Variants in MAP3K21 observed in about 807,000 individuals in gnomAD.
The protein encoded by MAP3K21 is mitogen-activated protein kinase kinase kinase 21.
A neutral mutation model predicts 86.1 loss-of-function variants in MAP3K21; 63 were observed. That is an observed-to-expected ratio of 0.73 (90% CI 0.60 to 0.90). MAP3K21 has a LOEUF of 0.90. MAP3K21 is among the 40% of genes least tolerant of loss of function. The probability of loss-of-function intolerance (pLI) is 0.00; values close to 1 mark genes in which losing one functional copy is unlikely to be tolerated. For synonymous variants in MAP3K21, 558 were observed against 564.8 expected, an observed-to-expected ratio of 0.99 and a Z score of 0.17; for missense variants, 1,220 against 1,367.7, an observed-to-expected ratio of 0.89 and a Z score of 1.70.
At chr1:233,368,450 T>C (rs1663620635) in intron 5 of MAP3K21, among the ~76,000 whole-genome samples, 1 of 151,974 alleles carries the variant, frequency 6.6e-6, no homozygotes, top group African/African-American at 2.4e-5. Context: ...GCCCAGGAGT[T>C]CAAGACCAGC....
chr1:233,340,332 G>A lies in MAP3K21; in HGVS notation c.806-6110G>A, dbSNP rs1311089466. The stretch of plus-strand genomic sequence containing the variant: ...GTGGGAGGTCCAGTAGGAAGTGTGA[G>A]TTTTATAGAGGGCGGAAGAGGAAGG... On this transcript the variant is annotated intron_variant, in intron 1 of 9. Transcript: ENST00000366624. Among the ~76,000 whole-genome samples, 6 of 152,298 alleles carry A rather than the reference G, an allele frequency of 3.9e-5. 1 individual carries two copies. In the East Asian group the frequency reaches 5.8e-4, roughly 15 times the overall value.
At chr1:233,338,295 A>G (rs1026280417) in intron 1 of MAP3K21, among the ~76,000 whole-genome samples, 24 of 152,192 alleles carry the variant, frequency 1.6e-4, no homozygotes, top group Non-Finnish European at 2.9e-4. Context: ...TAGCTCTTTC[A>G]TTTATACAAC....
chr1:233,373,963 A>G (rs566435828), intron 6 of MAP3K21: 3 of 152,190 alleles, frequency 2.0e-5, no homozygotes, highest in Non-Finnish European at 2.9e-5. Flanking sequence ...GAGAGTGTAG[A>G]TAGCTCTGGG....
chr1:233,343,150 A>C (rs1034587823), intron 1 of MAP3K21, among the ~76,000 whole-genome samples: 9 of 152,172 alleles, frequency 5.9e-5, no homozygotes, highest in Non-Finnish European at 1.3e-4. Context: ...TGATATTATA[A>C]ATGTTTGACA....
chr1:233,328,194 G>T lies in MAP3K21; in HGVS notation c.166G>T (p.Glu56Ter), dbSNP rs1662732064. The part of the protein sequence containing the change: ...LYDYEARGED[E>*]LSLRRGQLVE... Reference sequence around the variant, plus strand: ...TGACTACGAGGCTCGCGGCGAGGACGAGCTGAGCCTGCGGCGCGGCCAGCT... The same window carrying T: ...TGACTACGAGGCTCGCGGCGAGGACTAGCTGAGCCTGCGGCGCGGCCAGCT... Residue 56 changes from glutamate to a stop codon, truncating the protein, a stop_gained, in exon 1 of 10, where the codon GAG becomes TAG. Coordinates refer to ENST00000366624, the MANE Select transcript of MAP3K21 (RefSeq NM_032435.3). LOFTEE classifies it high-confidence loss of function. The surrounding 1 kb of genome is among the most constrained non-coding windows in gnomAD (Gnocchi z 8.7). The T allele has an allele frequency of 1.3e-6, 2 of 1,483,468 alleles. No individual in the cohort carries two copies. Among genetic ancestry groups the T allele is most frequent in the Non-Finnish European group, 1.8e-6 (2 of 1,124,882 alleles). 91.9% of individuals were successfully genotyped at this position (1,483,468 alleles called of 1,614,324 possible).
At chr1:233,370,628 G>C (rs1352146569) in intron 5 of MAP3K21, among the ~76,000 whole-genome samples, 1 of 152,130 alleles carries the variant, frequency 6.6e-6, no homozygotes, top group African/African-American at 2.4e-5. Flanking sequence ...GTAAGTTATA[G>C]GTCTCTTGCA....
At chr1:233,347,048 G>A (rs12566188) in intron 2 of MAP3K21, among the ~76,000 whole-genome samples, 34,583 of 151,936 alleles carry the variant, frequency 0.23, 5,139 homozygotes, top group East Asian at 0.41. Context: ...GCTAATTTGT[G>A]TGTGTGTGTG....
chr1:233,382,908 T>A lies in MAP3K21; in HGVS notation c.*197T>A. The A allele has an allele frequency of 1.9e-6, 1 of 533,130 alleles. No homozygotes were observed. Among genetic ancestry groups the A allele is most frequent in the African/African-American group, 1.9e-5 (1 of 52,894 alleles). The allele number at this position is 533,130 out of a possible 1,614,324, so 33.0% of individuals were successfully genotyped here. A position where few individuals can be genotyped will look rare whatever the true frequency, so the allele number is the denominator to read the frequency against. On this transcript the variant is annotated 3_prime_UTR_variant, in exon 10 of 10. Transcript: ENST00000366624. ...GTCTATTGTTTTTCCTCTGGATTCT[T>A]TTCTTATAACTTGGAATACACAAAA...
At position 233,379,302 on chromosome 1, in the gene MAP3K21, C is replaced by T. The variant is rs151314713; in HGVS notation, c.2296C>T (p.Arg766Trp). Reference protein sequence around the residue: ...EKKKREGIFQRASKSRRSASP... With the variant: ...EKKKREGIFQWASKSRRSASP... ...GAAGAAACGAGAGGGAATCTTCCAG[C>T]GGGCTTCCAAGTCCCGCAGAAGCGC... Residue 766 changes from arginine to tryptophan, a missense_variant, in exon 9 of 10, where the codon CGG becomes TGG. Around this residue, in one of 5 missense-constraint regions of MAP3K21, gnomAD observed 632 missense variants for 691.3 expected, o/e 0.91. Coordinates refer to ENST00000366624, the MANE Select transcript of MAP3K21 (RefSeq NM_032435.3). The T allele has an allele frequency of 4.6e-5, 75 of 1,614,104 alleles. 1 individual carries two copies. The Middle Eastern group carries it at 6.6e-4, about 14-fold the overall frequency.
At chr1:233,373,473 C>T (rs1445374357) in intron 6 of MAP3K21, 3 of 152,280 alleles carry the variant, frequency 2.0e-5, no homozygotes, top group African/African-American at 7.2e-5. Context: ...TTCCAACCCT[C>T]CAAAGTTGAA....
intron 6 of MAP3K21, 103 bp downstream of exon 6, chr1:233,372,263 T>C: frequency 7.1e-7 from 1 of 1,405,290 alleles, no homozygotes; most frequent in Admixed American, 1.8e-5. Context: ...AGGTTGTAGA[T>C]GAGTGTAGGA....
chr1:233,336,117 C>G (rs1382331688), intron 1 of MAP3K21, among the ~76,000 whole-genome samples: 1 of 152,222 alleles, frequency 6.6e-6, no homozygotes, highest in African/African-American at 2.4e-5. Flanking sequence ...TTAAAAATAA[C>G]ATGTTCTGCC....
At position 233,353,949 on chromosome 1, in the gene MAP3K21, A is replaced by C. The variant is rs1327714176; in HGVS notation, c.1129A>C (p.Met377Leu). ...CTGCCCTGAGCCGTTTGCCAAGCTC[A>C]TGAAAGGTATTGTGTGTGTGTGTGT... ...STCPEPFAKL[M>L]KECWQQDPHI... is the part of the protein sequence containing the mutation. Residue 377 changes from methionine to leucine, a missense_variant, in exon 3 of 10, where the codon ATG becomes CTG. This residue lies in a region of MAP3K21 where 126 missense variants were observed against 127.7 expected (regional missense o/e 0.99). Transcript: ENST00000366624. 7 of 1,602,654 alleles carry C rather than the reference A, an allele frequency of 4.4e-6. No individual in the cohort carries two copies. The highest frequency in any genetic ancestry group is 6.0e-6 in the Non-Finnish European group (7 of 1,175,340).
intron 8 of MAP3K21, among the ~76,000 whole-genome samples, chr1:233,378,019 A>G (rs1663831596): frequency 6.6e-6 from 1 of 152,172 alleles, no homozygotes; most frequent in African/African-American, 2.4e-5. Context: ...TGTAAATGCA[A>G]AAGAAGCTTC....
At position 233,376,074 on chromosome 1, in the gene MAP3K21, TGTG is replaced by T; in HGVS notation, c.1826+11_1826+13del. ...AACAGATTGCAAAGAAAGGTACGTG[TGTG>T]GTATCTGGTGGTATTCATTGTGTAA... is the stretch of plus-strand genomic sequence containing the variant. On this transcript the variant is annotated intron_variant, in intron 7 of 9. Transcript: ENST00000366624. The T allele has an allele frequency of 6.3e-7, 1 of 1,596,804 alleles. No homozygotes were observed. Among genetic ancestry groups the T allele is most frequent in the Non-Finnish European group, 8.5e-7 (1 of 1,175,278 alleles).
Position 233,328,814 on chromosome 1 carries a change from G to T in MAP3K21, c.786G>T (p.Arg262=). The T allele has an allele frequency of 6.5e-7, 1 of 1,534,238 alleles. No homozygotes were observed. Among genetic ancestry groups the T allele is most frequent in the East Asian group, 2.6e-5 (1 of 37,738 alleles). The part of the protein sequence containing the change: ...HEEAFVPILH[R]DLKSSNILLL... ...AGGCCTTCGTGCCCATCCTGCACCG[G>T]GACCTCAAGTCCAGCAACAGTAAGT... The change falls in exon 1 of 10, where the codon CGG becomes CGT. Residue 262 remains arginine (R), a synonymous_variant. Coordinates refer to ENST00000366624, the MANE Select transcript of MAP3K21 (RefSeq NM_032435.3). The surrounding 1 kb of genome is among the most constrained non-coding windows in gnomAD (Gnocchi z 8.7).
chr1:233,352,228 G>A (rs993002304), intron 2 of MAP3K21, among the ~76,000 whole-genome samples: 1 of 152,088 alleles, frequency 6.6e-6, no homozygotes, highest in Non-Finnish European at 1.5e-5. Flanking sequence ...TATTTATGGG[G>A]TACATAGTGA....
intron 1 of MAP3K21, among the ~76,000 whole-genome samples, chr1:233,345,059 G>A (rs1268180950): frequency 6.6e-5 from 10 of 152,114 alleles, no homozygotes; most frequent in African/African-American, 9.7e-5. Context: ...TTAGAAGGGC[G>A]ACCATTAAAA....
At chr1:233,376,578 A>C (rs1423304444) in intron 8 of MAP3K21, 51 bp downstream of exon 8, 1 of 1,310,018 alleles carries the variant, frequency 7.6e-7, no homozygotes, top group Non-Finnish European at 1.1e-6. Context: ...TTGGCATCTG[A>C]TTGTGCTGAA....
Sources: gnomAD v4.1 joint callset for allele counts (sites outside exome capture counted in the v4.1 genomes callset) on GRCh38, gnomAD v4.1.1 for gene constraint, gnomAD v4.1.1 regional missense constraint, Gnocchi (gnomAD v3.1) non-coding constraint, MANE v1.5 for transcripts, NCBI Gene and HGNC (gene_info 2026-07-23, HGNC 2026-07-21) for gene names.